Variants in SLC24A4 observed in about 807,000 individuals in gnomAD.
The protein encoded by SLC24A4 is solute carrier family 24 member 4, also known as sodium/potassium/calcium exchanger 4.
In SLC24A4, 53 loss-of-function variants were observed where a neutral mutation model predicts 79.0. The ratio of observed to expected loss-of-function variants is 0.67; its 90% CI spans 0.54 to 0.84. SLC24A4 has a LOEUF of 0.84. Ranked by LOEUF, SLC24A4 falls within the 40% of genes least tolerant of loss-of-function variation. The pLI is 0.00. For missense variants in SLC24A4, 731 were observed against 822.0 expected, an observed-to-expected ratio of 0.89 and a Z score of 1.35; for synonymous variants, 323 against 323.8, an observed-to-expected ratio of 1.00 and a Z score of 0.03.
intron 2 of SLC24A4, among the ~76,000 whole-genome samples, chr14:92,338,842 C>T (rs999138257): frequency 1.3e-5 from 2 of 152,240 alleles, no homozygotes; most frequent in South Asian, 4.1e-4. Flanking sequence ...ATTTGCCATT[C>T]TTTCCCTTCT....
chr14:92,408,166 AGTGTGTGTGTGTGT>A (rs143375295), intron 2 of SLC24A4, among the ~76,000 whole-genome samples: 4 of 136,824 alleles, frequency 2.9e-5, no homozygotes, highest in Non-Finnish European at 6.3e-5. Context: ...TTGCTACAGC[AGTGTGTGTGTGTGT>A]GTGTGTGTGT....
chr14:92,469,465 C>T lies in SLC24A4; in HGVS notation c.1255+12857C>T, dbSNP rs535396752. On this transcript the variant is annotated intron_variant, in intron 12 of 16. Transcript: ENST00000532405. ...CAGAGCTCGCAGTGAGCCGAGATCG[C>T]GCCACTGCACTCCAGCCTGGGCACG... is the stretch of plus-strand genomic sequence containing the variant. Among the ~76,000 whole-genome samples, 558 of 151,372 alleles carry T rather than the reference C, an allele frequency of 3.7e-3. 4 individuals are homozygous for T. Among genetic ancestry groups the T allele is most frequent in the African/African-American group, 0.012 (497 of 41,238 alleles).
chr14:92,420,752 T>C (rs1891229448), intron 2 of SLC24A4, among the ~76,000 whole-genome samples: 1 of 152,060 alleles, frequency 6.6e-6, no homozygotes. Context: ...TACTTGCAGC[T>C]CAAATTAAGT....
intron 2 of SLC24A4, among the ~76,000 whole-genome samples, chr14:92,400,840 A>G (rs866632225): frequency 1.3e-5 from 2 of 152,202 alleles, no homozygotes; most frequent in Admixed American, 6.5e-5. Context: ...CATACTTTGC[A>G]TATGCAAGAT....
At chr14:92,437,929 A>T (rs527558480) in intron 3 of SLC24A4, among the ~76,000 whole-genome samples, 1 of 151,786 alleles carries the variant, frequency 6.6e-6, no homozygotes. Flanking sequence ...GAGAGAGTAG[A>T]AAAAAAAGTG....
chr14:92,485,414 A>G (rs181728792), intron 13 of SLC24A4, among the ~76,000 whole-genome samples: 63 of 151,750 alleles, frequency 4.2e-4, no homozygotes, highest in African/African-American at 1.5e-3. Flanking sequence ...ACAGTGAGCC[A>G]TGGTCAATCC....
intron 2 of SLC24A4, among the ~76,000 whole-genome samples, chr14:92,412,579 C>A (rs1890780096): frequency 6.6e-6 from 1 of 152,162 alleles, no homozygotes; most frequent in Admixed American, 6.5e-5. Flanking sequence ...AATGTCCTGT[C>A]CCCATCTCAG....
At chr14:92,344,345 A>G (rs1040140669) in intron 2 of SLC24A4, among the ~76,000 whole-genome samples, 3 of 152,220 alleles carry the variant, frequency 2.0e-5, no homozygotes, top group African/African-American at 7.2e-5. Flanking sequence ...AATGAGAAAC[A>G]ATGTGTGTTA....
At chr14:92,430,225 C>T (rs1460521999) in intron 2 of SLC24A4, among the ~76,000 whole-genome samples, 3 of 152,178 alleles carry the variant, frequency 2.0e-5, no homozygotes, top group East Asian at 3.8e-4. Context: ...GCTCAGGGTC[C>T]GTCAGGGTCT....
intron 8 of SLC24A4, among the ~76,000 whole-genome samples, chr14:92,446,258 T>A (rs1330726370): frequency 2.0e-5 from 3 of 152,144 alleles, no homozygotes; most frequent in Non-Finnish European, 2.9e-5. Flanking sequence ...GTGATTCATG[T>A]GCCTCAGCCT....
chr14:92,439,120 A>G lies in SLC24A4; in HGVS notation c.319-215A>G, dbSNP rs541182146. Among the ~76,000 whole-genome samples, 4 of 152,318 alleles carry G rather than the reference A, an allele frequency of 2.6e-5. No individual in the cohort carries two copies. The East Asian group carries it at 7.7e-4, about 29-fold the overall frequency. On this transcript the variant is annotated intron_variant, in intron 3 of 16. Transcript: ENST00000532405. ...AGTGGCCTGAGTTTTCATCCCCTCT[A>G]CTGCTCAGCATGTTATCTCCTCTCT...
At chr14:92,357,205 G>A (rs756950959) in intron 2 of SLC24A4, among the ~76,000 whole-genome samples, 9 of 152,194 alleles carry the variant, frequency 5.9e-5, no homozygotes, top group Non-Finnish European at 8.8e-5. Flanking sequence ...TGGCCGACTG[G>A]CACAATTCAG....
At chr14:92,451,443 A>C (rs1036137709) in intron 10 of SLC24A4, 1 of 152,236 alleles carries the variant, frequency 6.6e-6, no homozygotes, top group African/African-American at 2.4e-5. Context: ...GGGCGGTGCC[A>C]TGGAATCTTT....
chr14:92,493,326 A>G lies in SLC24A4; in HGVS notation c.1717-150A>G, dbSNP rs916772150. The G allele has an allele frequency of 1.5e-5, 14 of 914,786 alleles. No homozygotes were observed. In the African/African-American group the frequency reaches 2.0e-4, roughly 13 times the overall value. The allele number at this position is 914,786 out of a possible 1,614,324, so 56.7% of individuals were successfully genotyped here. On this transcript the variant is annotated intron_variant, in intron 16 of 16. Transcript: ENST00000532405. ...AAGCCCTCTAGGGCTTATTCTGGTC[A>G]AACTGAGGATCAGACTGCAGCACCC...
At chr14:92,384,563 G>A (rs1595196496) in intron 2 of SLC24A4, among the ~76,000 whole-genome samples, 1 of 152,096 alleles carries the variant, frequency 6.6e-6, no homozygotes, top group Admixed American at 6.5e-5. Context: ...ATTCGGTGTA[G>A]GGACAGGTAG....
intron 2 of SLC24A4, among the ~76,000 whole-genome samples, chr14:92,404,440 C>T (rs796515905): frequency 1.3e-5 from 2 of 152,218 alleles, no homozygotes; most frequent in Non-Finnish European, 2.9e-5. Flanking sequence ...GTCTACCTCT[C>T]CTGCCTCCCT....
chr14:92,478,943 T>A (rs1303400855), intron 12 of SLC24A4, among the ~76,000 whole-genome samples: 1 of 152,206 alleles, frequency 6.6e-6, no homozygotes, highest in Non-Finnish European at 1.5e-5. Context: ...GTTAGGTTTT[T>A]AAATTTTTTG....
intron 10 of SLC24A4, among the ~76,000 whole-genome samples, chr14:92,449,644 C>T (rs1012801456): frequency 6.6e-6 from 1 of 152,210 alleles, no homozygotes; most frequent in African/African-American, 2.4e-5. Context: ...ATGCCAGACC[C>T]AGTCCTGGAT....
intron 2 of SLC24A4, among the ~76,000 whole-genome samples, chr14:92,414,590 A>G (rs576562967): frequency 2.6e-4 from 40 of 152,120 alleles, no homozygotes; most frequent in African/African-American, 8.7e-4. Flanking sequence ...AACAAACAAA[A>G]TTAGCTGGGC....
Sources: allele counts gnomAD v4.1 joint callset (sites outside exome capture counted in the v4.1 genomes callset), GRCh38; gene constraint gnomAD v4.1.1; transcripts MANE v1.5; gene names NCBI Gene and HGNC (gene_info 2026-07-23, HGNC 2026-07-21).